The following TBCK variants were observed in gnomAD, a reference collection of about 807,000 sequenced individuals.
The protein encoded by TBCK is TBC domain-containing protein kinase-like protein.
TBCK carries 99 observed loss-of-function variants against 113.4 expected under a neutral mutation model. The observed-to-expected ratio is 0.87, with a 90% CI of 0.74 to 1.03. The LOEUF (loss-of-function observed/expected upper bound fraction) is 1.03. Ranked by LOEUF, TBCK falls within the 50% of genes least tolerant of loss-of-function variation. The pLI is 0.00. For missense variants in TBCK, 1,045 were observed against 1,061.3 expected, an observed-to-expected ratio of 0.98 and a Z score of 0.21; for synonymous variants, 369 against 370.8, an observed-to-expected ratio of 1.00 and a Z score of 0.05.
chr4:106,229,646 T>G (rs1433070474), intron 19 of TBCK, among the ~76,000 whole-genome samples: 1 of 152,022 alleles, frequency 6.6e-6, no homozygotes, highest in African/African-American at 2.4e-5. Flanking sequence ...TTACTATAGC[T>G]CTGTAGTATA....
chr4:106,181,503 T>C (rs1431495295), intron 22 of TBCK, among the ~76,000 whole-genome samples: 1 of 152,232 alleles, frequency 6.6e-6, no homozygotes, highest in East Asian at 1.9e-4. Flanking sequence ...TGGTTCTAGG[T>C]CTTACGTTTA....
chr4:106,127,124 C>T (rs374680270), intron 23 of TBCK, among the ~76,000 whole-genome samples: 40 of 147,614 alleles, frequency 2.7e-4, no homozygotes, highest in African/African-American at 9.2e-4. Context: ...AGGAGAATCG[C>T]TTGAACCCAG....
chr4:106,232,522 A>G (rs1275178052), intron 17 of TBCK, among the ~76,000 whole-genome samples: 1 of 151,762 alleles, frequency 6.6e-6, no homozygotes, highest in East Asian at 1.9e-4. Context: ...AAGAAAAAAA[A>G]GACAATAAAT....
At position 106,268,125 on chromosome 4, in the gene TBCK, CCT is replaced by C. The variant is rs896892248; in HGVS notation, c.267-5915_267-5914del. On this transcript the variant is annotated intron_variant, in intron 3 of 25. Coordinates refer to ENST00000394708, the MANE Select transcript of TBCK (RefSeq NM_001163435.3). Reference sequence around the variant, plus strand: ...CTTGGGGTCCCTGTTCTCTAAGCCTCCTCTGTTACCCCAGCCAAGTGGCCCCT... The same window carrying C: ...CTTGGGGTCCCTGTTCTCTAAGCCTCCTGTTACCCCAGCCAAGTGGCCCCT... 7.9e-5 allele frequency among the ~76,000 whole-genome samples: 12 copies of C among 152,128 alleles called. No homozygotes were observed. In the East Asian group the frequency reaches 1.2e-3, roughly 15 times the overall value.
chr4:106,238,916 T>C (rs1307974699), intron 12 of TBCK, among the ~76,000 whole-genome samples: 1 of 152,118 alleles, frequency 6.6e-6, no homozygotes, highest in Non-Finnish European at 1.5e-5. Context: ...GAAAAACTTC[T>C]GGAGGCCCTG....
chr4:106,189,684 T>C (rs1259694346), intron 22 of TBCK, among the ~76,000 whole-genome samples: 1 of 152,214 alleles, frequency 6.6e-6, no homozygotes, highest in Non-Finnish European at 1.5e-5. Context: ...ATATCAATTA[T>C]AGCATTCGTA....
intron 25 of TBCK, among the ~76,000 whole-genome samples, chr4:106,084,512 C>A (rs763525065): frequency 2.0e-5 from 3 of 152,166 alleles, no homozygotes; most frequent in Non-Finnish European, 4.4e-5. Context: ...GGAAAACACA[C>A]TTCAGGATAT....
intron 25 of TBCK, among the ~76,000 whole-genome samples, chr4:106,051,737 A>G (rs1560581168): frequency 6.6e-6 from 1 of 151,870 alleles, no homozygotes. Context: ...TTGAGATGAA[A>G]AACAGAATAT....
intron 9 of TBCK, 42 bp from the exon 10 acceptor site, chr4:106,247,329 A>G: frequency 1.3e-6 from 2 of 1,588,942 alleles, no homozygotes; most frequent in South Asian, 2.3e-5. Flanking sequence ...GAAAGTCATA[A>G]AAAATTTCCT....
intron 25 of TBCK, among the ~76,000 whole-genome samples, chr4:106,090,863 C>A (rs1216202541): frequency 1.3e-5 from 2 of 152,228 alleles, no homozygotes; most frequent in Admixed American, 1.3e-4. Flanking sequence ...ATTGTCCATA[C>A]AGCTATCAGC....
chr4:106,212,577 G>A (rs181745932), intron 20 of TBCK, among the ~76,000 whole-genome samples, 173 bp downstream of exon 20: 151 of 152,182 alleles, frequency 9.9e-4, no homozygotes, highest in African/African-American at 3.5e-3. Flanking sequence ...ATTACTTAAG[G>A]TGGAAATATG....
intron 22 of TBCK, among the ~76,000 whole-genome samples, chr4:106,171,912 C>A (rs1267093575): frequency 6.6e-6 from 1 of 152,010 alleles, no homozygotes; most frequent in African/African-American, 2.4e-5. Flanking sequence ...CTCACTGCAA[C>A]CTTGGCCTCC....
chr4:106,114,759 T>C (rs112391580), intron 24 of TBCK, among the ~76,000 whole-genome samples: 4 of 152,256 alleles, frequency 2.6e-5, no homozygotes, highest in Admixed American at 6.5e-5. Flanking sequence ...AGAATTGCTA[T>C]GAATAAAGAC....
chr4:106,116,291 T>G lies in TBCK; in HGVS notation c.2323A>C (p.Thr775Pro), dbSNP rs757298054. 1.9e-6 allele frequency: 3 copies of G among 1,614,056 alleles called. No individual in the cohort carries two copies. The South Asian group carries it at 3.3e-5, about 18-fold the overall frequency. Residue 775 changes from threonine to proline, a missense_variant, in exon 24 of 26, where the codon ACA (threonine) becomes CCA (proline). Coordinates refer to ENST00000394708, the MANE Select transcript of TBCK (RefSeq NM_001163435.3). ...AEDLIDLCEL[T>P]VTGHFKTPSK... ...GGTGTTTTGAAGTGGCCTGTCACTGTGAGCTCACACAAGTCAATCAGGTCC... is the reference window on the plus strand; with the variant it reads ...GGTGTTTTGAAGTGGCCTGTCACTGGGAGCTCACACAAGTCAATCAGGTCC...
At chr4:106,204,562 T>A (rs1394639573) in intron 20 of TBCK, among the ~76,000 whole-genome samples, 5 of 152,106 alleles carry the variant, frequency 3.3e-5, no homozygotes, top group African/African-American at 1.2e-4. Context: ...TGTGAAGGAG[T>A]AAAAATTATT....
intron 5 of TBCK, among the ~76,000 whole-genome samples, chr4:106,256,423 G>A (rs767218072): frequency 4.6e-5 from 7 of 152,226 alleles, no homozygotes; most frequent in Non-Finnish European, 8.8e-5. Context: ...GCAGGGGGCT[G>A]GAGTGTCAGT....
At chr4:106,286,845 A>C (rs1194117078) in intron 3 of TBCK, among the ~76,000 whole-genome samples, 1 of 144,192 alleles carries the variant, frequency 6.9e-6, no homozygotes, top group Non-Finnish European at 1.5e-5. Context: ...GCACTACTGC[A>C]CTCCAGCAGC....
At chr4:106,048,619 C>T (rs1734468184) in intron 25 of TBCK, among the ~76,000 whole-genome samples, 1 of 152,134 alleles carries the variant, frequency 6.6e-6, no homozygotes, top group Admixed American at 6.6e-5. Context: ...CTGCATTCTC[C>T]TACATGCACA....
At chr4:106,160,210 G>C (rs558532169) in intron 23 of TBCK, among the ~76,000 whole-genome samples, 39 of 152,134 alleles carry the variant, frequency 2.6e-4, no homozygotes, top group Non-Finnish European at 4.6e-4. Flanking sequence ...CATGATACTG[G>C]AGTTGGCACT....
Sources: allele counts gnomAD v4.1 joint callset (sites outside exome capture counted in the v4.1 genomes callset), GRCh38; gene constraint gnomAD v4.1.1; transcripts MANE v1.5; gene names NCBI Gene and HGNC (gene_info 2026-07-23, HGNC 2026-07-21).